The following EHMT1 variants were observed in gnomAD, a reference collection of about 807,000 sequenced individuals.
EHMT1 encodes euchromatic histone lysine methyltransferase 1.
In EHMT1, 15 loss-of-function variants were observed where a neutral mutation model predicts 147.2. That is an observed-to-expected ratio of 0.10 (90% CI 0.07 to 0.16). EHMT1 has a LOEUF of 0.16. Among genes scored for constraint, EHMT1 ranks in the 10% least tolerant of loss-of-function variants. The pLI is 1.00. For synonymous variants in EHMT1, 795 were observed against 709.6 expected, an observed-to-expected ratio of 1.12 and a Z score of -1.91; for missense variants, 1,587 against 1,772.4, an observed-to-expected ratio of 0.90 and a Z score of 1.88.
At chr9:137,654,824 T>G (rs1197902321) in intron 1 of EHMT1, among the ~76,000 whole-genome samples, 1 of 152,114 alleles carries the variant, frequency 6.6e-6, no homozygotes, top group Non-Finnish European at 1.5e-5. Flanking sequence ...GTGCACATGG[T>G]TCTGAGCCCA....
chr9:137,713,182 A>G (rs1239058159), intron 2 of EHMT1, among the ~76,000 whole-genome samples: 1 of 151,404 alleles, frequency 6.6e-6, no homozygotes, highest in Non-Finnish European at 1.5e-5. Flanking sequence ...TCTAGCCTCC[A>G]TCTCCCTGGG....
chr9:137,741,642 A>G (rs1182159245), intron 4 of EHMT1, among the ~76,000 whole-genome samples: 1 of 152,234 alleles, frequency 6.6e-6, no homozygotes, highest in Non-Finnish European at 1.5e-5. Flanking sequence ...ATATGCAGAG[A>G]TTGGCTCCAG....
At chr9:137,680,500 A>G (rs1478135824) in intron 1 of EHMT1, among the ~76,000 whole-genome samples, 1 of 152,194 alleles carries the variant, frequency 6.6e-6, no homozygotes, top group African/African-American at 2.4e-5. Context: ...GTGGGTCATA[A>G]TTTGCATGGA....
At chr9:137,643,537 A>G (rs1350151640) in intron 1 of EHMT1, among the ~76,000 whole-genome samples, 3 of 151,638 alleles carry the variant, frequency 2.0e-5, no homozygotes, top group African/African-American at 7.3e-5. Flanking sequence ...TTTAGTAGAG[A>G]CGGGGTTTCA....
intron 18 of EHMT1, among the ~76,000 whole-genome samples, chr9:137,806,048 C>T (rs1953921211): frequency 6.6e-6 from 1 of 151,214 alleles, no homozygotes; most frequent in Non-Finnish European, 1.5e-5. Context: ...CAACCTCCAC[C>T]TCCCTGGTTC....
At chr9:137,822,340 C>G (rs986488586) in intron 25 of EHMT1, among the ~76,000 whole-genome samples, 3 of 152,196 alleles carry the variant, frequency 2.0e-5, no homozygotes, top group African/African-American at 7.2e-5. Flanking sequence ...CTGTGACTCC[C>G]ATAGACTTGT....
intron 10 of EHMT1, among the ~76,000 whole-genome samples, chr9:137,771,541 C>G (rs543248943): frequency 1.4e-4 from 22 of 152,308 alleles, no homozygotes; most frequent in African/African-American, 5.1e-4. Context: ...ACTTCTCTGT[C>G]TGCACGTCTC....
chr9:137,637,269 G>T (rs570120963), intron 1 of EHMT1, among the ~76,000 whole-genome samples: 3 of 152,096 alleles, frequency 2.0e-5, no homozygotes, highest in Non-Finnish European at 4.4e-5. Context: ...TCCGCCTCCT[G>T]GGTTCAAGTG....
At chr9:137,739,085 A>AC (rs1947817304) in intron 4 of EHMT1, among the ~76,000 whole-genome samples, 1 of 152,036 alleles carries the variant, frequency 6.6e-6, no homozygotes, top group African/African-American at 2.4e-5. Context: ...AAAAAAAAAA[A>AC]AACAGGCCGG....
intron 1 of EHMT1, among the ~76,000 whole-genome samples, chr9:137,710,126 T>C (rs997195991): frequency 2.7e-5 from 4 of 150,916 alleles, no homozygotes; most frequent in Admixed American, 6.6e-5. Context: ...CCAACCAGAC[T>C]CTAAGCTTCT....
At chr9:137,634,541 T>C (rs1843842919) in intron 1 of EHMT1, among the ~76,000 whole-genome samples, 1 of 152,204 alleles carries the variant, frequency 6.6e-6, no homozygotes, top group Non-Finnish European at 1.5e-5. Flanking sequence ...GTGTAATAAG[T>C]TTTGTAATGA....
chr9:137,622,342 A>T (rs558340340), intron 1 of EHMT1, among the ~76,000 whole-genome samples: 4 of 150,810 alleles, frequency 2.7e-5, no homozygotes, highest in African/African-American at 9.8e-5. Flanking sequence ...CTTGTCTCGA[A>T]CTCCTGACCT....
chr9:137,787,272 G>A lies in EHMT1; in HGVS notation c.2383-3576G>A, dbSNP rs1348172942. The A allele has an allele frequency of 2.0e-5, 3 of 153,074 alleles. No individual in the cohort carries two copies. Among genetic ancestry groups the A allele is most frequent in the East Asian group, 1.9e-4 (1 of 5,196 alleles). 9.5% of individuals were successfully genotyped at this position (153,074 alleles called of 1,614,324 possible). On this transcript the variant is annotated intron_variant, in intron 15 of 26. Transcript: ENST00000460843. The surrounding 1 kb of genome is among the most constrained non-coding windows in gnomAD (Gnocchi z 4.2). ...TCCCCCACGCCCCTACCAAGACCAC[G>A]TAGGGTCCAGTCTTGATTCCCTAAC...
At position 137,787,720 on chromosome 9, in the gene EHMT1, G is replaced by T; in HGVS notation, c.2383-3128G>T. On this transcript the variant is annotated intron_variant, in intron 15 of 26. Transcript: ENST00000460843. This position sits in a 1 kb window ranked among gnomAD's most constrained non-coding sequence, Gnocchi z 4.2. The stretch of plus-strand genomic sequence containing the variant: ...TGGGCCAGGGGCCGCCAGGTCCCCA[G>T]GGTGCCACCGAAACATCGTAGATGC... 1.4e-6 allele frequency: 1 copy of T among 723,814 alleles called. No individual in the cohort carries two copies. Among genetic ancestry groups the T allele is most frequent in the South Asian group, 1.6e-5 (1 of 61,948 alleles). The allele number at this position is 723,814 out of a possible 1,614,324, so 44.8% of individuals were successfully genotyped here. A position where few individuals can be genotyped will look rare whatever the true frequency, so the allele number is the denominator to read the frequency against.
At chr9:137,634,343 C>G (rs1402853225) in intron 1 of EHMT1, among the ~76,000 whole-genome samples, 1 of 152,112 alleles carries the variant, frequency 6.6e-6, no homozygotes, top group African/African-American at 2.4e-5. Flanking sequence ...AGGTAGGATC[C>G]AGGCTTCATT....
chr9:137,816,548 G>A (rs1018458755), intron 23 of EHMT1: 2 of 189,854 alleles, frequency 1.1e-5, no homozygotes, highest in Non-Finnish European at 2.2e-5. Context: ...CTTGCCCAGC[G>A]CCCTTCCCCA....
chr9:137,678,531 T>C (rs1941611617), intron 1 of EHMT1, among the ~76,000 whole-genome samples: 1 of 152,246 alleles, frequency 6.6e-6, no homozygotes, highest in Non-Finnish European at 1.5e-5. Flanking sequence ...CTGGTGTTCC[T>C]GTCTCGCCGC....
intron 1 of EHMT1, among the ~76,000 whole-genome samples, chr9:137,685,799 T>C (rs1352435948): frequency 6.6e-6 from 1 of 152,272 alleles, no homozygotes; most frequent in Non-Finnish European, 1.5e-5. Flanking sequence ...TGGTTTTGAC[T>C]TACATTTCTG....
At chr9:137,764,160 G>T (rs983993787) in intron 10 of EHMT1, 6 of 152,416 alleles carry the variant, frequency 3.9e-5, no homozygotes, top group Non-Finnish European at 1.5e-5. Context: ...TCAGATCCCC[G>T]TGTGACACGT....
Sources: gnomAD v4.1 joint callset for allele counts (sites outside exome capture counted in the v4.1 genomes callset) on GRCh38, gnomAD v4.1.1 for gene constraint, Gnocchi (gnomAD v3.1) non-coding constraint, MANE v1.5 for transcripts, NCBI Gene and HGNC (gene_info 2026-07-23, HGNC 2026-07-21) for gene names.